The following PRELID2 variants were observed in gnomAD, a reference collection of about 807,000 sequenced individuals.
PRELID2 encodes the protein PRELI domain containing 2.
Under a neutral mutation model 28.4 loss-of-function variants are expected in PRELID2, and 25 were observed. That is an observed-to-expected ratio of 0.88 (90% CI 0.64 to 1.23). PRELID2 has a LOEUF of 1.23. Ranked by LOEUF, PRELID2 falls within the 50% of genes most tolerant of loss-of-function variation. The pLI is 0.00. For synonymous variants in PRELID2, 76 were observed against 71.6 expected (o/e 1.06, Z -0.31); for missense variants, 201 against 214.4 (o/e 0.94, Z 0.39).
intron 1 of PRELID2, among the ~76,000 whole-genome samples, chr5:145,507,450 C>T (rs1447719545): frequency 6.6e-6 from 1 of 152,142 alleles, no homozygotes; most frequent in African/African-American, 2.4e-5. Context: ...AAGGTAGACA[C>T]AACTCAGTTA....
the PRELID2 span, among the ~76,000 whole-genome samples, chr5:145,351,472 A>C: frequency 6.6e-6 from 1 of 152,140 alleles, no homozygotes; most frequent in Admixed American, 6.5e-5. Context: ...GCATGGAGGG[A>C]ACAACCCCCA....
At chr5:145,680,952 A>T (rs2149688872) in intron 1 of PRELID2, among the ~76,000 whole-genome samples, 1 of 152,308 alleles carries the variant, frequency 6.6e-6, no homozygotes, top group African/African-American at 2.4e-5. Context: ...GACAGCCTGT[A>T]TCCAGCCAGG....
At chr5:145,748,480 C>T (rs1412209268) in intron 1 of PRELID2, among the ~76,000 whole-genome samples, 2 of 152,126 alleles carry the variant, frequency 1.3e-5, no homozygotes, top group African/African-American at 4.8e-5. Context: ...AAAGAGGACA[C>T]AAACAAATGA....
the PRELID2 span, among the ~76,000 whole-genome samples, chr5:145,290,684 G>A: frequency 2.0e-5 from 3 of 151,936 alleles, no homozygotes; most frequent in Admixed American, 2.0e-4. Flanking sequence ...AACCAACACG[G>A]TACATGTATA....
chr5:145,497,638 C>T (rs10463375), intron 1 of PRELID2, among the ~76,000 whole-genome samples: 30,912 of 152,000 alleles, frequency 0.2, 3,247 homozygotes, highest in South Asian at 0.36. Context: ...TAATGGCCAC[C>T]GATCCACATA....
the PRELID2 span, among the ~76,000 whole-genome samples, chr5:145,358,529 T>C: frequency 1.3e-5 from 2 of 152,086 alleles, no homozygotes; most frequent in African/African-American, 4.8e-5. Flanking sequence ...AAAGACAGGA[T>C]ACAGTCTTCT....
chr5:145,339,136 G>C, the PRELID2 span, among the ~76,000 whole-genome samples: 1 of 152,152 alleles, frequency 6.6e-6, no homozygotes, highest in African/African-American at 2.4e-5. Context: ...CAGACTGGAG[G>C]CAAGATGGCT....
rs535516793 is a variant in PRELID2, at chr5:145,474,603, A to C, written n.71-1288T>G. ...GCCTGGTCCAATTATCCTCCTAAGC[A>C]GTCCTGATCATAATTGCTACATTGG... is the stretch of plus-strand genomic sequence containing the variant. On this transcript the variant is annotated intron_variant and non_coding_transcript_variant, in intron 1 of 2. Transcript: ENST00000510259. 1.6e-4 allele frequency among the ~76,000 whole-genome samples: 25 copies of C among 152,306 alleles called. No homozygotes were observed. The South Asian group carries it at 1.9e-3, about 11-fold the overall frequency.
chr5:145,768,264 T>C (rs573696117), intron 5 of PRELID2, among the ~76,000 whole-genome samples: 10 of 149,196 alleles, frequency 6.7e-5, no homozygotes, highest in African/African-American at 2.0e-4. Flanking sequence ...GGAAAGGGGA[T>C]TGGGGACAAG....
chr5:145,628,471 A>G (rs904808041), intron 1 of PRELID2, among the ~76,000 whole-genome samples: 6 of 151,966 alleles, frequency 3.9e-5, no homozygotes, highest in Non-Finnish European at 7.4e-5. Flanking sequence ...CTACAGGTAT[A>G]TGCCACCATG....
At chr5:145,295,532 G>C in the PRELID2 span, among the ~76,000 whole-genome samples, 5 of 152,120 alleles carry the variant, frequency 3.3e-5, no homozygotes, top group African/African-American at 1.2e-4. Flanking sequence ...TCCAAGTGTT[G>C]ATATAGTACA....
At chr5:145,259,937 G>T in the PRELID2 span, among the ~76,000 whole-genome samples, 1 of 152,128 alleles carries the variant, frequency 6.6e-6, no homozygotes, top group African/African-American at 2.4e-5. Flanking sequence ...TGTGAGGTCT[G>T]GTGGGAAAGG....
At chr5:145,374,817 T>A in the PRELID2 span, among the ~76,000 whole-genome samples, 6 of 152,176 alleles carry the variant, frequency 3.9e-5, no homozygotes, top group Non-Finnish European at 7.4e-5. Context: ...TTGTTCTGTG[T>A]TTTTCAGCTC....
intron 4 of PRELID2, among the ~76,000 whole-genome samples, chr5:145,797,172 A>G (rs1427387093): frequency 1.3e-5 from 2 of 152,162 alleles, no homozygotes; most frequent in Non-Finnish European, 2.9e-5. Context: ...ATTACACTTA[A>G]GAGTGATAGA....
At chr5:145,634,348 A>C (rs1301706576) in intron 1 of PRELID2, among the ~76,000 whole-genome samples, 1 of 152,184 alleles carries the variant, frequency 6.6e-6, no homozygotes, top group African/African-American at 2.4e-5. Context: ...ATAAAAATCC[A>C]GACTCTTCAG....
At chr5:145,522,559 A>T (rs909409455) in intron 1 of PRELID2, among the ~76,000 whole-genome samples, 1 of 152,184 alleles carries the variant, frequency 6.6e-6, no homozygotes, top group African/African-American at 2.4e-5. Flanking sequence ...TTCCCAAATG[A>T]TGGCGTGTAT....
At chr5:145,422,616 A>C in the PRELID2 span, among the ~76,000 whole-genome samples, 1 of 150,450 alleles carries the variant, frequency 6.6e-6, no homozygotes, top group Non-Finnish European at 1.5e-5. Flanking sequence ...TTTTATTTTG[A>C]GCCTATGTGT....
chr5:145,353,365 A>G, the PRELID2 span, among the ~76,000 whole-genome samples: 1 of 152,132 alleles, frequency 6.6e-6, no homozygotes, highest in South Asian at 2.1e-4. Context: ...TAGGAGGCTG[A>G]GGCAGGAGAA....
intron 1 of PRELID2, among the ~76,000 whole-genome samples, chr5:145,598,373 A>G (rs1468043894): frequency 6.6e-6 from 1 of 152,160 alleles, no homozygotes; most frequent in Non-Finnish European, 1.5e-5. Flanking sequence ...CAGAAGCATG[A>G]CAAGATGGAT....
Sources: gnomAD v4.1 joint callset for allele counts (sites outside exome capture counted in the v4.1 genomes callset) on GRCh38, gnomAD v4.1.1 for gene constraint, MANE v1.5 for transcripts, NCBI Gene and HGNC (gene_info 2026-07-23, HGNC 2026-07-21) for gene names.